The following DCLK1 variants were observed in gnomAD, a reference collection of about 807,000 sequenced individuals.
DCLK1 encodes the protein doublecortin like kinase 1.
Under a neutral mutation model 86.2 loss-of-function variants are expected in DCLK1, and 16 were observed. The ratio of observed to expected loss-of-function variants is 0.19; its 90% CI spans 0.13 to 0.28. The LOEUF (loss-of-function observed/expected upper bound fraction) is 0.28, where lower values mean the gene tolerates loss of function less well. Ranked by LOEUF, DCLK1 falls within the 10% of genes least tolerant of loss-of-function variation. The pLI, the probability that DCLK1 is intolerant of heterozygous loss-of-function variation, is 1.00. For missense variants in DCLK1, 590 were observed against 940.2 expected (o/e 0.63, Z 4.87); for synonymous variants, 369 against 370.5 (o/e 1.00, Z 0.05).
At chr13:36,013,884 C>T (rs1016367821) in intron 3 of DCLK1, among the ~76,000 whole-genome samples, 4 of 152,188 alleles carry the variant, frequency 2.6e-5, no homozygotes, top group Non-Finnish European at 4.4e-5. Flanking sequence ...AGCGAGATTC[C>T]GTGGGCTTAG....
chr13:35,871,115 C>G (rs911155210), intron 5 of DCLK1, 109 bp downstream of exon 5: 2 of 858,158 alleles, frequency 2.3e-6, no homozygotes, highest in African/African-American at 3.4e-5. Context: ...AAATTATAAA[C>G]CGGAACCTAC....
At chr13:35,842,408 T>A (rs1869875808) in intron 6 of DCLK1, among the ~76,000 whole-genome samples, 1 of 151,926 alleles carries the variant, frequency 6.6e-6, no homozygotes, top group South Asian at 2.1e-4. Flanking sequence ...CTGGTCTCCG[T>A]CTGTGTCTTC....
At chr13:36,024,898 T>C (rs1300242230) in intron 3 of DCLK1, among the ~76,000 whole-genome samples, 1 of 151,560 alleles carries the variant, frequency 6.6e-6, no homozygotes, top group African/African-American at 2.4e-5. Context: ...TAAAGATCAA[T>C]GGAATAAAAT....
chr13:35,815,651 T>G (rs547122241), intron 11 of DCLK1, among the ~76,000 whole-genome samples: 11 of 152,320 alleles, frequency 7.2e-5, no homozygotes, highest in Admixed American at 2.0e-4. Flanking sequence ...ATTTTCCTCT[T>G]GCTACGGTAT....
intron 4 of DCLK1, among the ~76,000 whole-genome samples, chr13:35,914,803 GT>G (rs2153125570): frequency 6.6e-6 from 1 of 152,048 alleles, no homozygotes; most frequent in East Asian, 1.9e-4. Flanking sequence ...AAAGACAGAA[GT>G]TTTTTTGAAG....
At chr13:35,910,841 C>A (rs1005188936) in intron 4 of DCLK1, among the ~76,000 whole-genome samples, 20 of 152,300 alleles carry the variant, frequency 1.3e-4, no homozygotes, top group Non-Finnish European at 1.6e-4. Context: ...TATCTCTATT[C>A]TTTGTGCAAT....
intron 10 of DCLK1, among the ~76,000 whole-genome samples, chr13:35,825,496 A>T (rs1265639976): frequency 6.6e-6 from 1 of 152,166 alleles, no homozygotes; most frequent in South Asian, 2.1e-4. Flanking sequence ...CGATTGACAG[A>T]CTAAGATTTC....
chr13:35,852,737 C>T (rs530479907), intron 6 of DCLK1, among the ~76,000 whole-genome samples: 1 of 152,292 alleles, frequency 6.6e-6, no homozygotes, highest in Admixed American at 6.5e-5. Flanking sequence ...CGAATTCTAG[C>T]CCCATTCTGC....
Position 35,902,529 on chromosome 13 carries a change from G to A in DCLK1, c.824-31189C>T, listed in dbSNP as rs959324140. Among the ~76,000 whole-genome samples the A allele has an allele frequency of 2.0e-5, 3 of 152,182 alleles. No individual in the cohort carries two copies. The South Asian group carries it at 6.2e-4, about 32-fold the overall frequency. On this transcript the variant is annotated intron_variant, in intron 4 of 16. Coordinates refer to ENST00000360631, the MANE Select transcript of DCLK1 (RefSeq NM_001330071.2). ...GAAGCATTATCACTTGGCAGCTGTGGGCGTAGATTGTGAGAAAGAGAAAAG... is the reference window on the plus strand; with the variant it reads ...GAAGCATTATCACTTGGCAGCTGTGAGCGTAGATTGTGAGAAAGAGAAAAG...
At chr13:36,013,525 C>T (rs1322266299) in intron 3 of DCLK1, among the ~76,000 whole-genome samples, 1 of 152,124 alleles carries the variant, frequency 6.6e-6, no homozygotes, top group East Asian at 1.9e-4. Context: ...GGGGTGCCTC[C>T]CAGTTAGGCT....
At chr13:36,022,459 CAAT>C (rs1881823017) in intron 3 of DCLK1, among the ~76,000 whole-genome samples, 2 of 151,458 alleles carry the variant, frequency 1.3e-5, no homozygotes, top group Non-Finnish European at 2.9e-5. Context: ...TGAGAAAAAT[CAAT>C]GAAAGCAAAT....
rs137979602 is a variant in DCLK1 at position 36,052,558 on chromosome 13, G to A, written c.723+59311C>T. 5.9e-3 allele frequency among the ~76,000 whole-genome samples: 896 copies of A among 152,208 alleles called. 8 individuals carry two copies. Among genetic ancestry groups the A allele is most frequent in the African/African-American group, 0.02 (846 of 41,540 alleles). On this transcript the variant is annotated intron_variant, in intron 3 of 16. Coordinates refer to ENST00000360631, the MANE Select transcript of DCLK1 (RefSeq NM_001330071.2). ...ACTCTAGGACAAACACTAGGAATAG[G>A]TAGTTAAATAAGACACGAATTTTGC...
chr13:35,982,431 AGGGGGAGGGAGG>A lies in DCLK1; in HGVS notation c.724-34986_724-34975del, dbSNP rs1293191574. ...AAGGGAGAGAGAGAGAGAGAGAGAG[AGGGGGAGGGAGG>A]GAGGGAGGGAGGGAGGGAGGGAGGG... On this transcript the variant is annotated intron_variant, in intron 3 of 16. Coordinates refer to ENST00000360631, the MANE Select transcript of DCLK1 (RefSeq NM_001330071.2). Among the ~76,000 whole-genome samples the A allele has an allele frequency of 6.0e-3, 249 of 41,176 alleles. 10 individuals carry two copies. Among genetic ancestry groups the A allele is most frequent in the African/African-American group, 0.014 (97 of 7,006 alleles). 27.0% of individuals were successfully genotyped at this position (41,176 alleles called of 152,430 possible). A position where few individuals can be genotyped will look rare whatever the true frequency, so the allele number is the denominator to read the frequency against.
chr13:36,081,002 T>C (rs1280304538), intron 3 of DCLK1, among the ~76,000 whole-genome samples: 4 of 152,124 alleles, frequency 2.6e-5, no homozygotes, highest in Admixed American at 2.6e-4. Flanking sequence ...AGTACAGACT[T>C]ATCTGTCCTA....
chr13:35,906,775 T>G (rs1874712185), intron 4 of DCLK1, among the ~76,000 whole-genome samples: 2 of 152,154 alleles, frequency 1.3e-5, no homozygotes, highest in African/African-American at 4.8e-5. Context: ...GTAGGACACC[T>G]TGGTTTGGCA....
At chr13:35,991,672 C>T (rs1282796295) in intron 3 of DCLK1, among the ~76,000 whole-genome samples, 1 of 152,084 alleles carries the variant, frequency 6.6e-6, no homozygotes, top group Non-Finnish European at 1.5e-5. Context: ...AAACAAACAA[C>T]AACAACAACT....
At chr13:35,876,000 G>A (rs954676687) in intron 4 of DCLK1, among the ~76,000 whole-genome samples, 4 of 152,136 alleles carry the variant, frequency 2.6e-5, no homozygotes, top group African/African-American at 9.7e-5. Context: ...CCATGGTGAC[G>A]AAAGCCTGGG....
At chr13:35,787,699 T>C (rs868080697) in intron 16 of DCLK1, among the ~76,000 whole-genome samples, 17 of 152,124 alleles carry the variant, frequency 1.1e-4, no homozygotes, top group African/African-American at 2.7e-4. Flanking sequence ...AACACAAGCT[T>C]ACCAACACAC....
chr13:35,998,632 G>A (rs1035157300), intron 3 of DCLK1, among the ~76,000 whole-genome samples: 2 of 152,066 alleles, frequency 1.3e-5, no homozygotes, highest in Non-Finnish European at 2.9e-5. Flanking sequence ...GTCTCTCCTT[G>A]CTTCCCTGAC....
Sources: gnomAD v4.1 joint callset for allele counts (sites outside exome capture counted in the v4.1 genomes callset) on GRCh38, gnomAD v4.1.1 for gene constraint, MANE v1.5 for transcripts, NCBI Gene and HGNC (gene_info 2026-07-23, HGNC 2026-07-21) for gene names.